Variants in GMDS observed in about 807,000 individuals in gnomAD.
The protein encoded by GMDS is GDP-mannose 4,6 dehydratase.
In GMDS, 20 loss-of-function variants were observed where a neutral mutation model predicts 49.9. The observed-to-expected ratio is 0.40, with a 90% CI of 0.28 to 0.58. The LOEUF is 0.58. Among genes scored for constraint, GMDS ranks in the 20% least tolerant of loss-of-function variants. The pLI is 0.42. For synonymous variants in GMDS, 177 were observed against 178.6 expected (o/e 0.99, Z 0.07); for missense variants, 362 against 481.4 (o/e 0.75, Z 2.32).
intron 4 of GMDS, among the ~76,000 whole-genome samples, chr6:2,052,062 AGCCAAGATTGCACCACT>A (rs1184315304): frequency 6.8e-6 from 1 of 147,660 alleles, no homozygotes; most frequent in Non-Finnish European, 1.5e-5. Flanking sequence ...GGTTGCAGTG[AGCCAAGATTGCACCACT>A]GCACTCCAGC....
intron 7 of GMDS, among the ~76,000 whole-genome samples, chr6:1,758,861 A>G (rs775278843): frequency 2.6e-5 from 4 of 152,226 alleles, no homozygotes; most frequent in Non-Finnish European, 5.9e-5. Flanking sequence ...ACCCGAGGTC[A>G]GGAGTTAGAG....
chr6:1,966,325 T>G (rs1581433518), intron 4 of GMDS, among the ~76,000 whole-genome samples: 2 of 140,132 alleles, frequency 1.4e-5, no homozygotes, highest in East Asian at 4.3e-4. Context: ...AAGTTAACAG[T>G]AAAAATCTTA....
At chr6:1,779,607 T>C (rs1297412259) in intron 7 of GMDS, among the ~76,000 whole-genome samples, 2 of 152,038 alleles carry the variant, frequency 1.3e-5, no homozygotes, top group Admixed American at 6.5e-5. Flanking sequence ...AAAACGAATG[T>C]CCTCTGATAG....
intron 4 of GMDS, among the ~76,000 whole-genome samples, chr6:2,007,224 G>A (rs1211210554): frequency 2.4e-4 from 36 of 152,112 alleles, no homozygotes. Flanking sequence ...ACAACTTTAG[G>A]AGCTGTGTGT....
At chr6:1,868,177 G>C (rs1424876343) in intron 7 of GMDS, among the ~76,000 whole-genome samples, 2 of 152,026 alleles carry the variant, frequency 1.3e-5, no homozygotes, top group African/African-American at 2.4e-5. Flanking sequence ...AGTAGAGATG[G>C]GGTTTTACCA....
At chr6:2,219,331 T>C (rs56196406) in intron 1 of GMDS, among the ~76,000 whole-genome samples, 18,188 of 152,118 alleles carry the variant, frequency 0.12, 1,154 homozygotes, top group Middle Eastern at 0.23. Flanking sequence ...CAGAACCAGT[T>C]TGGCTGAAGA....
intron 1 of GMDS, among the ~76,000 whole-genome samples, chr6:2,220,152 C>G (rs962851847): frequency 2.0e-5 from 3 of 152,166 alleles, no homozygotes; most frequent in Non-Finnish European, 4.4e-5. Flanking sequence ...CAGATGACTC[C>G]GGAGGAAACA....
chr6:2,107,161 T>C (rs1277930039), intron 4 of GMDS, among the ~76,000 whole-genome samples: 1 of 152,204 alleles, frequency 6.6e-6, no homozygotes, highest in African/African-American at 2.4e-5. Flanking sequence ...CCAAACATTA[T>C]TAGCTGTTAT....
intron 9 of GMDS, among the ~76,000 whole-genome samples, chr6:1,681,885 A>G (rs1478802018): frequency 1.3e-5 from 2 of 152,184 alleles, no homozygotes; most frequent in African/African-American, 4.8e-5. Context: ...TTATAGAGAC[A>G]AGGTCTTGCT....
At chr6:2,057,500 A>G (rs1332375229) in intron 4 of GMDS, among the ~76,000 whole-genome samples, 1 of 152,184 alleles carries the variant, frequency 6.6e-6, no homozygotes, top group Non-Finnish European at 1.5e-5. Flanking sequence ...ATTGCCTGTA[A>G]TGTTGAATTA....
chr6:1,893,851 G>A (rs569498004), intron 7 of GMDS, among the ~76,000 whole-genome samples: 1 of 152,088 alleles, frequency 6.6e-6, no homozygotes, highest in Non-Finnish European at 1.5e-5. Context: ...AAAAATAACC[G>A]ACCTGCCATG....
chr6:1,988,078 TTAC>T (rs1765674821), intron 4 of GMDS, among the ~76,000 whole-genome samples: 1 of 152,186 alleles, frequency 6.6e-6, no homozygotes, highest in Non-Finnish European at 1.5e-5. Flanking sequence ...TATGCATTCT[TTAC>T]TATTTTCTAT....
At chr6:1,931,117 T>C (rs1344092401) in intron 6 of GMDS, 1 of 152,228 alleles carries the variant, frequency 6.6e-6, no homozygotes, top group Non-Finnish European at 1.5e-5. Flanking sequence ...CACCATTTAA[T>C]ACCAAATTCT....
At chr6:1,730,776 C>T (rs149651470) in intron 8 of GMDS, among the ~76,000 whole-genome samples, 60 of 152,266 alleles carry the variant, frequency 3.9e-4, no homozygotes, top group African/African-American at 1.4e-3. Context: ...AAAATAGCCA[C>T]AAGATCTAAC....
At chr6:2,159,367 G>A (rs1032155533) in intron 1 of GMDS, among the ~76,000 whole-genome samples, 15 of 151,794 alleles carry the variant, frequency 9.9e-5, no homozygotes, top group Non-Finnish European at 1.2e-4. Flanking sequence ...TTATAGGCAT[G>A]AGCCACCACA....
intron 7 of GMDS, among the ~76,000 whole-genome samples, chr6:1,864,048 GT>G (rs1413411138): frequency 2.6e-5 from 4 of 152,028 alleles, no homozygotes; most frequent in Non-Finnish European, 2.9e-5. Context: ...ATTTATTTAA[GT>G]TTTGTCACTT....
chr6:2,145,672 A>T (rs989873282), intron 1 of GMDS, among the ~76,000 whole-genome samples: 11 of 152,222 alleles, frequency 7.2e-5, no homozygotes, highest in African/African-American at 2.4e-4. Flanking sequence ...AAAAAACAGC[A>T]ATGCCACATT....
intron 9 of GMDS, chr6:1,624,827 C>CCTTTTTT: frequency 1.2e-5 from 1 of 83,178 alleles, no homozygotes; most frequent in Non-Finnish European, 2.1e-5. Context: ...GCTCTTAATG[C>CCTTTTTT]TTTTTTTTTT....
intron 2 of GMDS, among the ~76,000 whole-genome samples, chr6:2,118,022 C>T (rs1461630852): frequency 2.0e-5 from 3 of 152,164 alleles, no homozygotes; most frequent in Non-Finnish European, 4.4e-5. Flanking sequence ...TTTCTGGAGC[C>T]ACAGACATCA....
Sources: allele counts gnomAD v4.1 joint callset (sites outside exome capture counted in the v4.1 genomes callset), GRCh38; gene constraint gnomAD v4.1.1; transcripts MANE v1.5; gene names NCBI Gene and HGNC (gene_info 2026-07-23, HGNC 2026-07-21).